APP: variants seen among roughly 807,000 people sequenced by gnomAD.
APP encodes amyloid beta precursor protein.
A neutral mutation model predicts 101.4 loss-of-function variants in APP; 31 were observed. That is an observed-to-expected ratio of 0.31 (90% confidence interval 0.23 to 0.41). The LOEUF (loss-of-function observed/expected upper bound fraction) is 0.41, where lower values mean the gene tolerates loss of function less well. APP is among the 10% of genes least tolerant of loss of function. The pLI is 1.00. For synonymous variants in APP, 366 were observed against 364.4 expected, an observed-to-expected ratio of 1.00 and a Z score of -0.05; for missense variants, 839 against 1,003.7, an observed-to-expected ratio of 0.84 and a Z score of 2.22.
chr21:26,098,306 AAAATCTG>A (rs908753968), intron 2 of APP, among the ~76,000 whole-genome samples: 20 of 151,982 alleles, frequency 1.3e-4, no homozygotes, highest in African/African-American at 4.6e-4. Context: ...CCACATTTTA[AAAATCTG>A]AAGTCTCTCT....
intron 4 of APP, among the ~76,000 whole-genome samples, chr21:26,052,545 T>C (rs184040543): frequency 6.6e-6 from 1 of 152,236 alleles, no homozygotes; most frequent in African/African-American, 2.4e-5. Flanking sequence ...CAGTGACCTT[T>C]TCATGCTAAG....
chr21:26,028,858 T>C (rs1239004779), intron 5 of APP, among the ~76,000 whole-genome samples: 1 of 152,052 alleles, frequency 6.6e-6, no homozygotes. Context: ...GGAAAAGTAC[T>C]ATAGGGAAAG....
At position 26,035,614 on chromosome 21, in the gene APP, G is replaced by C. The variant is rs540938514; in HGVS notation, c.663-13572C>G. 3.9e-5 allele frequency among the ~76,000 whole-genome samples: 6 copies of C among 152,304 alleles called. No individual in the cohort carries two copies. The South Asian group carries it at 1.2e-3, about 32-fold the overall frequency. ...TCATTGTTTTCTCTCTGTGCACTTG[G>C]TTTTTAAGCGTATTGGTAAGCCACG... On this transcript the variant is annotated intron_variant, in intron 5 of 17. Transcript: ENST00000346798.
In APP at chr21:25,997,378, C is replaced by G. The variant is rs1008281141; in HGVS notation, c.1072G>C (p.Ala358Pro). 2 of 1,613,904 alleles carry G rather than the reference C, an allele frequency of 1.2e-6. No individual in the cohort carries two copies. Among genetic ancestry groups the G allele is most frequent in the Non-Finnish European group, 1.7e-6 (2 of 1,179,864 alleles). Reference sequence around the variant, plus strand: ...AACGTACGTTTAACAGGATCTCGGGCAAGAGGTTCCTGGGTAGTCTTGAGT... The same window carrying G: ...AACGTACGTTTAACAGGATCTCGGGGAAGAGGTTCCTGGGTAGTCTTGAGT... ...SLLKTTQEPL[A>P]RDPVKLPTTA... Residue 358 changes from alanine to proline, a missense_variant, in exon 8 of 18, where the codon GCC (alanine) becomes CCC (proline). By Grantham distance (27) the Ala-to-Pro change is conservative. Transcript: ENST00000346798.
intron 6 of APP, among the ~76,000 whole-genome samples, chr21:26,005,282 C>T (rs72616468): frequency 0.12 from 18,972 of 151,956 alleles, 1,276 homozygotes; most frequent in South Asian, 0.18. Flanking sequence ...GGCATGGTGG[C>T]GTGCACATAT....
chr21:25,999,149 G>A lies in APP; in HGVS notation c.1033+866C>T, dbSNP rs533273569. ...CTACCAAAAATACAAAAAATTAGCCGGGCGCAGTGGCATGTGCCTGTGATC... is the reference window on the plus strand; with the variant it reads ...CTACCAAAAATACAAAAAATTAGCCAGGCGCAGTGGCATGTGCCTGTGATC... On this transcript the variant is annotated intron_variant, in intron 7 of 17. Coordinates refer to ENST00000346798, the MANE Select transcript of APP (RefSeq NM_000484.4). 3.0e-3 allele frequency among the ~76,000 whole-genome samples: 463 copies of A among 152,170 alleles called. 2 individuals carry two copies. The highest frequency in any genetic ancestry group is 0.013 in the South Asian group (63 of 4,808).
At chr21:26,022,781 A>C (rs1441516905) in intron 5 of APP, among the ~76,000 whole-genome samples, 1 of 152,258 alleles carries the variant, frequency 6.6e-6, no homozygotes, top group African/African-American at 2.4e-5. Flanking sequence ...GATACTCAGT[A>C]TATGCTGGTG....
chr21:26,148,891 A>G (rs1213072450), intron 1 of APP, among the ~76,000 whole-genome samples: 1 of 152,166 alleles, frequency 6.6e-6, no homozygotes, highest in Non-Finnish European at 1.5e-5. Context: ...AGCTTACATC[A>G]TTTTCTTGCA....
chr21:25,999,480 C>T (rs2043192036), intron 7 of APP, among the ~76,000 whole-genome samples: 1 of 152,064 alleles, frequency 6.6e-6, no homozygotes, highest in Admixed American at 6.6e-5. Context: ...GATGCATGAG[C>T]TCAATTCAAT....
At chr21:25,916,990 G>A (rs1480062876) in intron 13 of APP, among the ~76,000 whole-genome samples, 1 of 152,152 alleles carries the variant, frequency 6.6e-6, no homozygotes, top group Admixed American at 6.5e-5. Context: ...GTGGCCAGGC[G>A]TGGTGGCTCA....
intron 5 of APP, among the ~76,000 whole-genome samples, chr21:26,031,008 C>T (rs930333181): frequency 2.0e-5 from 3 of 151,974 alleles, no homozygotes; most frequent in African/African-American, 4.8e-5. Flanking sequence ...ACTAAAACAA[C>T]GATGTTACAC....
chr21:25,903,812 A>G (rs2038642492), intron 15 of APP, among the ~76,000 whole-genome samples: 1 of 152,230 alleles, frequency 6.6e-6, no homozygotes, highest in African/African-American at 2.4e-5. Flanking sequence ...CTACAGACAG[A>G]AATTCATAAA....
chr21:25,985,776 T>C (rs2042614399), intron 8 of APP, among the ~76,000 whole-genome samples: 1 of 152,148 alleles, frequency 6.6e-6, no homozygotes, highest in African/African-American at 2.4e-5. Flanking sequence ...TTTCCCATAG[T>C]TGAGGAAGCT....
chr21:25,989,274 T>A (rs2042764081), intron 8 of APP, among the ~76,000 whole-genome samples: 1 of 152,236 alleles, frequency 6.6e-6, no homozygotes. Context: ...GAACTGTACA[T>A]GCACTGATTT....
At chr21:25,906,442 T>G (rs927787116) in intron 14 of APP, among the ~76,000 whole-genome samples, 19 of 152,258 alleles carry the variant, frequency 1.2e-4, no homozygotes, top group African/African-American at 4.1e-4. Context: ...CTTCTAATTA[T>G]GGTGAGGAAC....
chr21:26,129,672 G>A (rs913855783), intron 1 of APP, among the ~76,000 whole-genome samples: 92 of 152,190 alleles, frequency 6.0e-4, no homozygotes, highest in African/African-American at 2.0e-3. Context: ...ACGAAGTATA[G>A]ACAATAAGTG....
intron 1 of APP, among the ~76,000 whole-genome samples, chr21:26,140,638 A>T (rs2830086): frequency 0.34 from 51,192 of 152,182 alleles, 8,906 homozygotes; most frequent in African/African-American, 0.43. Flanking sequence ...GCCAATTCAT[A>T]TTTAACAAAT....
At chr21:26,085,890 T>C (rs1033919013) in intron 3 of APP, among the ~76,000 whole-genome samples, 1 of 152,244 alleles carries the variant, frequency 6.6e-6, no homozygotes, top group Non-Finnish European at 1.5e-5. Flanking sequence ...TCATTACTAC[T>C]TACACATTTG....
At chr21:25,889,724 C>CCA (rs1229523868) in intron 17 of APP, among the ~76,000 whole-genome samples, 11 of 151,940 alleles carry the variant, frequency 7.2e-5, no homozygotes, top group African/African-American at 2.4e-4. Context: ...CCCTGTAATC[C>CCA]CAGTTACTCA....
Sources: gnomAD v4.1 joint callset for allele counts (sites outside exome capture counted in the v4.1 genomes callset) on GRCh38, gnomAD v4.1.1 for gene constraint, MANE v1.5 for transcripts, NCBI Gene and HGNC (gene_info 2026-07-23, HGNC 2026-07-21) for gene names.